The following GSPT1 variants were observed in gnomAD, a reference collection of about 807,000 sequenced individuals.
The protein encoded by GSPT1 is eukaryotic peptide chain release factor GTP-binding subunit ERF3A.
In GSPT1, 20 loss-of-function variants were observed where a neutral mutation model predicts 72.5. The observed-to-expected ratio is 0.28, with a 90% confidence interval of 0.19 to 0.40. The LOEUF is 0.40. Ranked by LOEUF, GSPT1 falls within the 10% of genes least tolerant of loss-of-function variation. GSPT1 has a pLI of 1.00. For missense variants in GSPT1, 580 were observed against 811.9 expected (o/e 0.71, Z 3.47); for synonymous variants, 334 against 293.5 (o/e 1.14, Z -1.41).
At chr16:11,916,006 C>G (rs1347498406), upstream of GSPT1, 8 of 677,082 alleles carry the variant, frequency 1.2e-5, no homozygotes, top group Non-Finnish European at 2.2e-5. Context: ...CCAACCCCAC[C>G]CCCGGCGCGG....
At chr16:11,891,299 A>C (rs1274992899) in intron 5 of GSPT1, among the ~76,000 whole-genome samples, 160 bp from the exon 6 acceptor site, 1 of 148,056 alleles carries the variant, frequency 6.8e-6, no homozygotes, top group Non-Finnish European at 1.5e-5. Context: ...TATAACATAT[A>C]TAACATATTT....
In GSPT1 at chr16:11,897,999, C is replaced by A; in HGVS notation, c.389G>T (p.Cys130Phe). ...VESSQEEQSL[C>F]EGSNSAVSME... ...TTCAAAGAGTACATCATTACCTTCA[C>A]ACAATGACTGTTCCTCTTGAGAGGA... The change falls in exon 2 of 15, where the codon TGT (cysteine) becomes TTT (phenylalanine). Residue 130 changes from cysteine (C) to phenylalanine (F), a missense_variant. Physicochemically the swap from Cys to Phe is radical, Grantham distance 205 (BLOSUM62 -2). Transcript: ENST00000434724. 6.4e-7 allele frequency: 1 copy of A among 1,551,166 alleles called. No individual in the cohort carries two copies. Among genetic ancestry groups the A allele is most frequent in the Non-Finnish European group, 8.7e-7 (1 of 1,144,252 alleles).
intron 1 of GSPT1, among the ~76,000 whole-genome samples, chr16:11,914,823 A>G (rs565000323): frequency 1.0e-3 from 152 of 152,316 alleles, no homozygotes; most frequent in African/African-American, 3.2e-3. Context: ...GCTGCAATGC[A>G]TCTTGGGATT....
intron 11 of GSPT1, among the ~76,000 whole-genome samples, chr16:11,878,620 A>C (rs2054078137): frequency 1.3e-5 from 2 of 151,588 alleles, no homozygotes; most frequent in Non-Finnish European, 2.9e-5. Flanking sequence ...AAAAGTTTTT[A>C]ATGTAAAAAT....
chr16:11,891,029 GT>G lies in GSPT1; in HGVS notation c.776+32del, dbSNP rs1420103844. On this transcript the variant is annotated intron_variant, in intron 6 of 14. Transcript: ENST00000434724. ...CTAAGTGGGCATCGTCTCCTTAAAA[GT>G]AATTTATAAGTGTCATAAAAGTTTA... 4.2e-6 allele frequency: 4 copies of G among 961,304 alleles called. No homozygotes were observed. In the East Asian group the frequency reaches 1.1e-4, roughly 26 times the overall value. The allele number at this position is 961,304 out of a possible 1,614,324, so 59.5% of individuals were successfully genotyped here. A position where few individuals can be genotyped will look rare whatever the true frequency, so the allele number is the denominator to read the frequency against.
At chr16:11,882,557 C>A (rs11075030) in intron 11 of GSPT1, 65,721 of 152,572 alleles carry the variant, frequency 0.43, 16,951 homozygotes, top group Non-Finnish European at 0.59. Context: ...TCTGAAGGTA[C>A]TGATGACTCA....
chr16:11,883,619 CAA>C (rs34315327), intron 10 of GSPT1, among the ~76,000 whole-genome samples: 237 of 138,014 alleles, frequency 1.7e-3, no homozygotes, highest in African/African-American at 4.9e-3. Context: ...GACTCTGTCT[CAA>C]AAAAAAAAAA....
At chr16:11,910,497 T>C (rs950410426) in intron 1 of GSPT1, among the ~76,000 whole-genome samples, 3 of 152,214 alleles carry the variant, frequency 2.0e-5, no homozygotes, top group African/African-American at 7.2e-5. Context: ...CTAGTACATA[T>C]ATCTGAGCAA....
intron 14 of GSPT1, 55 bp from the exon 15 acceptor site, chr16:11,873,226 G>C: frequency 9.4e-6 from 8 of 855,026 alleles, no homozygotes; most frequent in Non-Finnish European, 1.6e-5. Context: ...GTCTATATAA[G>C]ATATTAAAAC....
At chr16:11,887,448 C>G (rs1567440322) in intron 7 of GSPT1, 122 bp downstream of exon 7, 8 of 735,956 alleles carry the variant, frequency 1.1e-5, no homozygotes, top group Non-Finnish European at 9.1e-6. Context: ...AAAACTGTGA[C>G]CGTGTACATC....
At chr16:11,900,322 C>T (rs2054390250) in intron 1 of GSPT1, among the ~76,000 whole-genome samples, 1 of 101,362 alleles carries the variant, frequency 9.9e-6, no homozygotes, top group South Asian at 3.4e-4. Flanking sequence ...AAGAATGAAA[C>T]TCCGTCTCAA....
At chr16:11,906,887 C>G (rs1301721282) in intron 1 of GSPT1, among the ~76,000 whole-genome samples, 2 of 152,068 alleles carry the variant, frequency 1.3e-5, no homozygotes, top group Non-Finnish European at 2.9e-5. Flanking sequence ...GATCCCATCT[C>G]TGAACAAAAA....
At chr16:11,883,274 A>C (rs2054143902) in intron 10 of GSPT1, among the ~76,000 whole-genome samples, 179 bp from the exon 11 acceptor site, 1 of 152,156 alleles carries the variant, frequency 6.6e-6, no homozygotes, top group Non-Finnish European at 1.5e-5. Context: ...TGTCATAAGC[A>C]TATGTATGAT....
intron 10 of GSPT1, among the ~76,000 whole-genome samples, chr16:11,883,583 C>G (rs548858853): frequency 1.4e-5 from 2 of 147,486 alleles, no homozygotes; most frequent in African/African-American, 5.0e-5. Context: ...CTGAACCACT[C>G]GACTCCAGCT....
Position 11,873,071 on chromosome 16 carries a change from T to C in GSPT1, c.*48A>G, listed in dbSNP as rs1596452550. The C allele has an allele frequency of 2.0e-6, 2 of 1,018,394 alleles. No homozygotes were observed. Among genetic ancestry groups the C allele is most frequent in the East Asian group, 4.8e-5 (2 of 41,960 alleles). The allele number at this position is 1,018,394 out of a possible 1,614,324, so 63.1% of individuals were successfully genotyped here. A position where few individuals can be genotyped will look rare whatever the true frequency, so the allele number is the denominator to read the frequency against. ...GAGAAGGCGGTGTGAAGTAGGCTTC[T>C]GCAGTCAATTTTCCTCACAGTATTG... On this transcript the variant is annotated 3_prime_UTR_variant, in exon 15 of 15. Transcript: ENST00000434724.
At chr16:11,876,041 T>TA (rs2054043156) in intron 13 of GSPT1, 45 bp downstream of exon 13, 1 of 1,467,490 alleles carries the variant, frequency 6.8e-7, no homozygotes, top group Non-Finnish European at 9.5e-7. Context: ...ATTATGAAGA[T>TA]AAAACAGTAT....
At chr16:11,883,658 T>C (rs1286281860) in intron 10 of GSPT1, among the ~76,000 whole-genome samples, 4 of 150,604 alleles carry the variant, frequency 2.7e-5, no homozygotes, top group African/African-American at 9.8e-5. Context: ...CTCACGCCTG[T>C]AATCCCAGCA....
At chr16:11,912,965 C>A (rs953649904) in intron 1 of GSPT1, among the ~76,000 whole-genome samples, 26 of 152,340 alleles carry the variant, frequency 1.7e-4, no homozygotes, top group African/African-American at 6.0e-4. Context: ...CAGGCTCCTT[C>A]AACAGCTTTC....
In GSPT1 at chr16:11,915,540, G is replaced by C; in HGVS notation, c.181C>G (p.Leu61Val). The change falls in exon 1 of 15, where the codon CTC becomes GTC. Residue 61 changes from leucine (L) to valine (V), a missense_variant. Leu to Val is a conservative substitution (Grantham distance 32). Coordinates refer to ENST00000434724, the MANE Select transcript of GSPT1 (RefSeq NM_002094.4). ...AGTTGCCGGCTGAAGGCCGCGCTGA[G>C]GTTCTCCCGCTGGGCCTCGGCCGCC... ...AAAAEAQRENLSAAFSRQLNV... is the reference protein window; with the variant it reads ...AAAAEAQRENVSAAFSRQLNV... 6.6e-7 allele frequency: 1 copy of C among 1,507,698 alleles called. No homozygotes were observed. Among genetic ancestry groups the C allele is most frequent in the Non-Finnish European group, 8.9e-7 (1 of 1,128,740 alleles). The allele number at this position is 1,507,698 out of a possible 1,614,324, so 93.4% of individuals were successfully genotyped here.
Sources: allele counts gnomAD v4.1 joint callset (sites outside exome capture counted in the v4.1 genomes callset), GRCh38; gene constraint gnomAD v4.1.1; transcripts MANE v1.5; gene names NCBI Gene and HGNC (gene_info 2026-07-23, HGNC 2026-07-21).